Variants in PPCS observed in about 807,000 individuals in gnomAD.
PPCS encodes the protein phosphopantothenate--cysteine ligase.
A neutral mutation model predicts 24.6 loss-of-function variants in PPCS; 17 were observed. The ratio of observed to expected loss-of-function variants is 0.69; its 90% CI spans 0.47 to 1.04. The LOEUF (loss-of-function observed/expected upper bound fraction) is 1.04, where lower values mean the gene tolerates loss of function less well. Ranked by LOEUF, PPCS falls within the 50% of genes least tolerant of loss-of-function variation. PPCS has a pLI of 0.00. For synonymous variants in PPCS, 190 were observed against 168.3 expected, an observed-to-expected ratio of 1.13 and a Z score of -1.00; for missense variants, 360 against 402.8, an observed-to-expected ratio of 0.89 and a Z score of 0.91.
intron 2 of PPCS, among the ~76,000 whole-genome samples, chr1:42,458,278 G>A (rs893798949): frequency 1.3e-5 from 2 of 152,176 alleles, no homozygotes; most frequent in African/African-American, 4.8e-5. Flanking sequence ...AAAGTGGAGT[G>A]GGTAGATTAG....
At chr1:42,458,760 C>A (rs986391395) in intron 2 of PPCS, among the ~76,000 whole-genome samples, 2 of 152,086 alleles carry the variant, frequency 1.3e-5, no homozygotes, top group African/African-American at 4.8e-5. Flanking sequence ...AGTAACAAAG[C>A]AACTGAACAT....
downstream of PPCS, chr1:42,463,876 T>A (rs1643484162): frequency 6.6e-6 from 1 of 152,216 alleles, no homozygotes; most frequent in African/African-American, 2.4e-5. Flanking sequence ...GCCTTTTGTA[T>A]CCTCAACATC....
upstream of PPCS, chr1:42,456,351 C>A: frequency 1.6e-6 from 1 of 629,198 alleles, no homozygotes; most frequent in Non-Finnish European, 2.7e-6. Context: ...AGATGCCCAC[C>A]CAGCCGGGGA....
In PPCS at chr1:42,457,064, A is replaced by G; in HGVS notation, c.499A>G (p.Asn167Asp). ...GTTGCAGGCTGCGGCCCAGGCACTC[A>G]ATCCGCTAGGTGCGTGCCCTAGGAG... Reference protein sequence around the residue: ...HLLQAAAQALNPLGPSAMFYL... With the variant: ...HLLQAAAQALDPLGPSAMFYL... Residue 167 changes from asparagine (N) to aspartate (D), a missense_variant, in exon 1 of 3, where the codon AAT (asparagine) becomes GAT (aspartate). Physicochemically the swap from Asn to Asp is conservative, Grantham distance 23 (BLOSUM62 1). Transcript: ENST00000372561. 6.3e-7 allele frequency: 1 copy of G among 1,596,538 alleles called. No homozygotes were observed. The highest frequency in any genetic ancestry group is 8.5e-7 in the Non-Finnish European group (1 of 1,176,072).
intron 2 of PPCS, 110 bp downstream of exon 2, chr1:42,457,460 GA>G: frequency 1.1e-6 from 1 of 915,144 alleles, no homozygotes; most frequent in South Asian, 1.4e-5. Context: ...AGGCACAGGG[GA>G]TACAGAGATG....
intron 2 of PPCS, among the ~76,000 whole-genome samples, chr1:42,467,991 G>C (rs924135720): frequency 1.3e-5 from 2 of 152,222 alleles, no homozygotes; most frequent in Admixed American, 6.5e-5. Context: ...AACTCGCAGG[G>C]AAGCTCAGAG....
At chr1:42,469,035 C>A (rs1263388647) in intron 2 of PPCS, among the ~76,000 whole-genome samples, 1 of 151,022 alleles carries the variant, frequency 6.6e-6, no homozygotes, top group Admixed American at 6.6e-5. Context: ...AAAAAAAAAA[C>A]TTTCAGGGAA....
upstream of PPCS, chr1:42,456,510 A>AGGGGC: frequency 7.0e-7 from 1 of 1,429,698 alleles, no homozygotes; most frequent in Non-Finnish European, 9.2e-7. Flanking sequence ...GTAGGCGAGA[A>AGGGGC]GGGGCGTGGC....
intron 2 of PPCS, among the ~76,000 whole-genome samples, chr1:42,471,294 T>A (rs12047826): frequency 0.24 from 36,652 of 151,998 alleles, 4,787 homozygotes; most frequent in South Asian, 0.42. Context: ...TAGACTCCCC[T>A]ACTCCACCCC....
At chr1:42,458,339 T>G (rs1643298509) in intron 2 of PPCS, among the ~76,000 whole-genome samples, 1 of 152,160 alleles carries the variant, frequency 6.6e-6, no homozygotes, top group African/African-American at 2.4e-5. Context: ...TAGGTGTGGT[T>G]GTGATTTTAG....
chr1:42,459,466 TTTTAAACTAAACA>T, intron 2 of PPCS, 124 bp from the exon 3 acceptor site: 1 of 810,904 alleles, frequency 1.2e-6, no homozygotes, highest in Non-Finnish European at 1.9e-6. Context: ...CCCTAAGACT[TTTTAAACTAAACA>T]TTTAACTGAA....
intron 2 of PPCS, among the ~76,000 whole-genome samples, chr1:42,469,736 G>A (rs981377606): frequency 1.3e-5 from 2 of 152,116 alleles, no homozygotes; most frequent in Non-Finnish European, 2.9e-5. Context: ...ATGAAGGTTG[G>A]TATGTTGATG....
intron 2 of PPCS, among the ~76,000 whole-genome samples, chr1:42,458,665 A>G (rs1422124013): frequency 1.3e-5 from 2 of 152,200 alleles, no homozygotes; most frequent in Non-Finnish European, 1.5e-5. Flanking sequence ...TTTTAGGGCA[A>G]AGTCTGATGA....
In PPCS at chr1:42,456,644, G is replaced by A. The variant is rs767707218; in HGVS notation, c.79G>A (p.Ala27Thr). The change falls in exon 1 of 3, where the codon GCG becomes ACG. Residue 27 changes from alanine (A) to threonine (T), a missense_variant. Physicochemically the swap from Ala to Thr is moderately conservative, Grantham distance 58. Coordinates refer to ENST00000372561, the MANE Select transcript of PPCS (RefSeq NM_024664.4). ...ARWAEVMARF[A>T]ARLGAQGRRV... ...CTGGGCTGAGGTTATGGCTCGCTTC[G>A]CGGCCAGGCTGGGCGCGCAGGGCCG... The A allele has an allele frequency of 6.3e-7, 1 of 1,578,014 alleles. No homozygotes were observed. The highest frequency in any genetic ancestry group is 1.2e-5 in the South Asian group (1 of 85,392).
At chr1:42,457,740 G>A (rs1643268473) in intron 2 of PPCS, among the ~76,000 whole-genome samples, 3 of 151,996 alleles carry the variant, frequency 2.0e-5, no homozygotes, top group African/African-American at 7.3e-5. Flanking sequence ...ATCGCCTGAG[G>A]TCAGGAGTTC....
chr1:42,472,210 A>G (rs111614527), intron 2 of PPCS, among the ~76,000 whole-genome samples: 2,179 of 152,170 alleles, frequency 0.014, 52 homozygotes, highest in African/African-American at 0.05. Flanking sequence ...CTGAGATCAC[A>G]CCACTGCACT....
In PPCS at chr1:42,459,599, A is replaced by G. The variant is rs776093332; in HGVS notation, c.613-4A>G. The G allele has an allele frequency of 5.0e-6, 8 of 1,610,714 alleles. No individual in the cohort carries two copies. The highest frequency in any genetic ancestry group is 2.2e-5 in the South Asian group (2 of 90,872). ...CTTATTAAGCTTTTCTTTTTCCAAT[A>G]CAGATAACAATGAAGATGGTGCCAA... On this transcript the variant is annotated splice_polypyrimidine_tract_variant and splice_region_variant and intron_variant, in intron 2 of 2. Coordinates refer to ENST00000372561, the MANE Select transcript of PPCS (RefSeq NM_024664.4).
At chr1:42,457,609 T>C (rs1288296653) in intron 2 of PPCS, 1 of 488,210 alleles carries the variant, frequency 2.0e-6, no homozygotes, top group Admixed American at 3.5e-5. Context: ...GAGTGAATCC[T>C]GGGGGAGTCG....
chr1:42,472,379 T>A (rs968035743), intron 2 of PPCS, among the ~76,000 whole-genome samples: 2 of 152,128 alleles, frequency 1.3e-5, no homozygotes, highest in Admixed American at 6.5e-5. Context: ...CCTAAAAAAA[T>A]TGATATTGAT....
Sources: allele counts gnomAD v4.1 joint callset (sites outside exome capture counted in the v4.1 genomes callset), GRCh38; gene constraint gnomAD v4.1.1; transcripts MANE v1.5; gene names NCBI Gene and HGNC (gene_info 2026-07-23, HGNC 2026-07-21).